The following VAMP7 variants were observed in gnomAD, a reference collection of about 807,000 sequenced individuals.
The protein encoded by VAMP7 is vesicle associated membrane protein 7.
In VAMP7, 14 loss-of-function variants were observed where a neutral mutation model predicts 29.6. The ratio of observed to expected loss-of-function variants is 0.47; its 90% CI spans 0.31 to 0.74. The LOEUF is 0.74. Among genes scored for constraint, VAMP7 ranks in the 30% least tolerant of loss-of-function variants. The probability of loss-of-function intolerance (pLI) is 0.05; values close to 1 mark genes in which losing one functional copy is unlikely to be tolerated. For synonymous variants in VAMP7, 95 were observed against 88.1 expected, an observed-to-expected ratio of 1.08 and a Z score of -0.44; for missense variants, 223 against 262.4, an observed-to-expected ratio of 0.85 and a Z score of 1.04.
At chrX:155,933,278 G>A (rs1603015521) in intron 6 of VAMP7, among the ~76,000 whole-genome samples, 1 of 152,318 alleles carries the variant, frequency 6.6e-6, no homozygotes, top group Non-Finnish European at 1.5e-5. Context: ...AGAAGGAATG[G>A]TGTCAGCTCC....
chrX:155,920,147 C>T lies in VAMP7; in HGVS notation c.501+267C>T, dbSNP rs760227307. 5.6e-4 allele frequency among the ~76,000 whole-genome samples: 85 copies of T among 152,232 alleles called. 3 individuals carry two copies. In the South Asian group the frequency reaches 0.016, roughly 29 times the overall value. On this transcript the variant is annotated intron_variant, in intron 6 of 7. Transcript: ENST00000286448. ...ATTTTCTAAAGCTTTGGATTGAGGC[C>T]TATATAATTTAGCACCTCAACTGCA...
intron 5 of VAMP7, among the ~76,000 whole-genome samples, chrX:155,904,790 A>G (rs1423562326): frequency 6.6e-6 from 1 of 151,782 alleles, no homozygotes; most frequent in Non-Finnish European, 1.5e-5. Context: ...AATAATTCCA[A>G]TGCATTAATG....
intron 6 of VAMP7, among the ~76,000 whole-genome samples, chrX:155,931,038 A>G (rs1371418447): frequency 6.6e-6 from 1 of 151,918 alleles, no homozygotes; most frequent in Non-Finnish European, 1.5e-5. Flanking sequence ...AAGGACATGA[A>G]CTCATCCTTT....
At chrX:155,927,900 T>C (rs1293294154) in intron 6 of VAMP7, among the ~76,000 whole-genome samples, 1 of 149,044 alleles carries the variant, frequency 6.7e-6, no homozygotes, top group Non-Finnish European at 1.5e-5. Flanking sequence ...CCTTTGGCTT[T>C]TGTTGTTGTT....
chrX:155,927,003 TCA>T (rs2066477586), intron 6 of VAMP7, among the ~76,000 whole-genome samples: 1 of 152,098 alleles, frequency 6.6e-6, no homozygotes, highest in African/African-American at 2.4e-5. Flanking sequence ...CCGAAAACAA[TCA>T]CAATAGTAAC....
At chrX:155,940,066 T>A (rs985096700) in intron 7 of VAMP7, among the ~76,000 whole-genome samples, 25 of 184 alleles carry the variant, frequency 0.14, no homozygotes, top group African/African-American at 0.27. Flanking sequence ...ATAAAGACAT[T>A]TCTGGTTTAT....
intron 5 of VAMP7, among the ~76,000 whole-genome samples, chrX:155,902,173 C>T (rs12390706): frequency 0.65 from 98,060 of 151,286 alleles, 32,239 homozygotes; most frequent in African/African-American, 0.77. Context: ...ACTCTCTGTC[C>T]GTTATTGGTG....
At chrX:155,899,803 A>G (rs1165790403) in intron 4 of VAMP7, among the ~76,000 whole-genome samples, 1 of 152,058 alleles carries the variant, frequency 6.6e-6, no homozygotes, top group Admixed American at 6.6e-5. Context: ...TCTGAACAAA[A>G]TCTCTACCTG....
In VAMP7 at chrX:155,898,974, A is replaced by T. The variant is rs763021874; in HGVS notation, c.342+725A>T. Among the ~76,000 whole-genome samples the T allele has an allele frequency of 3.3e-5, 5 of 152,080 alleles. No homozygotes were observed. In the South Asian group the frequency reaches 1.0e-3, roughly 32 times the overall value. ...ATTCTTCCATGTTGTATAAATCAGTAGTTTGTTCCCCTTTTTGCTAAGTAG... is the reference window on the plus strand; with the variant it reads ...ATTCTTCCATGTTGTATAAATCAGTTGTTTGTTCCCCTTTTTGCTAAGTAG... On this transcript the variant is annotated intron_variant, in intron 4 of 7. Transcript: ENST00000286448.
chrX:155,894,301 GTTTTTTT>G (rs1195549080), intron 2 of VAMP7, among the ~76,000 whole-genome samples: 1 of 64,888 alleles, frequency 1.5e-5, no homozygotes, highest in Non-Finnish European at 3.2e-5. Context: ...TGTGTCCTTT[GTTTTTTT>G]TTTTTTTTTT....
chrX:155,906,054 T>C (rs369076632), intron 5 of VAMP7, among the ~76,000 whole-genome samples: 31 of 152,110 alleles, frequency 2.0e-4, no homozygotes, highest in African/African-American at 7.2e-4. Context: ...GTTTCTTTAA[T>C]TTTTTCCAAC....
chrX:155,899,423 AAAG>A (rs1280261395), intron 4 of VAMP7, among the ~76,000 whole-genome samples: 1 of 152,012 alleles, frequency 6.6e-6, no homozygotes, highest in African/African-American at 2.4e-5. Context: ...ATTTGAGTAT[AAAG>A]ACGTAAGCTC....
chrX:155,925,329 C>G (rs1462347561), intron 6 of VAMP7, among the ~76,000 whole-genome samples: 1 of 152,142 alleles, frequency 6.6e-6, no homozygotes, highest in Admixed American at 6.5e-5. Flanking sequence ...GGCAGCTATA[C>G]TAAATGTTTT....
Position 155,919,712 on chromosome X carries a change from C to G in VAMP7, c.434-101C>G, listed in dbSNP as rs1050161902. ...GGTGAAGCATGCCTGTCCTTTGGCC[C>G]CAGGACAGTGTATTCATTAAGTTAT... On this transcript the variant is annotated intron_variant, in intron 5 of 7. Coordinates refer to ENST00000286448, the MANE Select transcript of VAMP7 (RefSeq NM_005638.6). 6.2e-5 allele frequency: 64 copies of G among 1,036,182 alleles called. No homozygotes were observed. In the African/African-American group the frequency reaches 9.9e-4, roughly 16 times the overall value. The allele number at this position is 1,036,182 out of a possible 1,614,324, so 64.2% of individuals were successfully genotyped here.
intron 6 of VAMP7, among the ~76,000 whole-genome samples, chrX:155,923,660 ATATATTTCTT>A (rs1342083278): frequency 6.6e-6 from 1 of 151,624 alleles, no homozygotes; most frequent in Non-Finnish European, 1.5e-5. Context: ...ATGCCTTGGT[ATATATTTCTT>A]TATGTTTCTT....
intron 6 of VAMP7, among the ~76,000 whole-genome samples, chrX:155,939,143 T>G (rs1378694487): frequency 3.9e-5 from 6 of 152,162 alleles, no homozygotes; most frequent in African/African-American, 9.7e-5. Flanking sequence ...TGGTTGGTTG[T>G]TTGCCATTTT....
At chrX:155,907,813 C>T (rs2066168961) in intron 5 of VAMP7, among the ~76,000 whole-genome samples, 1 of 152,140 alleles carries the variant, frequency 6.6e-6, no homozygotes, top group African/African-American at 2.4e-5. Flanking sequence ...GGGGCGGCTG[C>T]TGGGCGGAGG....
At chrX:155,931,719 C>T (rs1195967523) in intron 6 of VAMP7, among the ~76,000 whole-genome samples, 1 of 151,904 alleles carries the variant, frequency 6.6e-6, no homozygotes, top group African/African-American at 2.4e-5. Context: ...TAATTAGATC[C>T]CATTTGTCAA....
chrX:155,911,045 T>G (rs943488602), intron 5 of VAMP7, among the ~76,000 whole-genome samples: 9 of 152,190 alleles, frequency 5.9e-5, no homozygotes, highest in Non-Finnish European at 1.3e-4. Flanking sequence ...CCCTATGTTT[T>G]CTTCTAGTAG....
Sources: gnomAD v4.1 joint callset for allele counts (sites outside exome capture counted in the v4.1 genomes callset) on GRCh38, gnomAD v4.1.1 for gene constraint, MANE v1.5 for transcripts, NCBI Gene and HGNC (gene_info 2026-07-23, HGNC 2026-07-21) for gene names.